The following KIF26B variants were observed in gnomAD, a reference collection of about 807,000 sequenced individuals.
KIF26B encodes kinesin-like protein KIF26B.
A neutral mutation model predicts 151.2 loss-of-function variants in KIF26B; 63 were observed. The observed-to-expected ratio is 0.42, with a 90% CI of 0.34 to 0.51. The LOEUF (loss-of-function observed/expected upper bound fraction) is 0.51. Among genes scored for constraint, KIF26B ranks in the 20% least tolerant of loss-of-function variants. KIF26B has a pLI of 0.07. For synonymous variants in KIF26B, 1,357 were observed against 1,262.1 expected, an observed-to-expected ratio of 1.08 and a Z score of -1.59; for missense variants, 2,813 against 2,913.6, an observed-to-expected ratio of 0.97 and a Z score of 0.79.
At chr1:245,408,700 A>G (rs1465725073) in intron 3 of KIF26B, among the ~76,000 whole-genome samples, 4 of 151,852 alleles carry the variant, frequency 2.6e-5, no homozygotes, top group Admixed American at 2.0e-4. Context: ...CTGTTAGCAC[A>G]TTTTCTGAAG....
At chr1:245,646,008 C>A in intron 9 of KIF26B, 113 bp from the exon 10 acceptor site, 1 of 1,156,984 alleles carries the variant, frequency 8.6e-7, no homozygotes, top group Non-Finnish European at 1.2e-6. Context: ...TGAACGTCAA[C>A]CTTTTACTTC....
At chr1:245,671,419 C>A (rs1013410217) in intron 10 of KIF26B, among the ~76,000 whole-genome samples, 2 of 152,126 alleles carry the variant, frequency 1.3e-5, no homozygotes, top group African/African-American at 4.8e-5. Context: ...ATACAAGGTA[C>A]CTGGCACAGG....
intron 2 of KIF26B, among the ~76,000 whole-genome samples, chr1:245,212,882 T>TATA (rs1475464321): frequency 6.6e-6 from 1 of 152,246 alleles, no homozygotes; most frequent in Non-Finnish European, 1.5e-5. Context: ...TTTTCATGAC[T>TATA]ATAATTACAA....
rs183611869 is a variant in KIF26B, at chr1:245,369,255, G to A, written c.999+1888G>A. 4.8e-3 allele frequency among the ~76,000 whole-genome samples: 736 copies of A among 152,240 alleles called. 4 individuals are homozygous for A. The highest frequency in any genetic ancestry group is 8.1e-3 in the Non-Finnish European group (553 of 68,018). ...ATCTCACCTTCCCACTGGTGAAGCT[G>A]GGGAAGCCAATCTACCCGTGAGCCC... On this transcript the variant is annotated intron_variant, in intron 3 of 14. Coordinates refer to ENST00000407071, the MANE Select transcript of KIF26B (RefSeq NM_018012.4).
intron 4 of KIF26B, among the ~76,000 whole-genome samples, chr1:245,513,245 C>T (rs1369865512): frequency 6.7e-6 from 1 of 149,044 alleles, no homozygotes; most frequent in Non-Finnish European, 1.5e-5. Flanking sequence ...TAGAATCTCA[C>T]GTGTTTTCGT....
At chr1:245,582,465 T>C (rs778636368) in intron 5 of KIF26B, among the ~76,000 whole-genome samples, 1 of 152,236 alleles carries the variant, frequency 6.6e-6, no homozygotes, top group Non-Finnish European at 1.5e-5. Context: ...CTGTGCTTTT[T>C]TTTTTAAGTG....
intron 4 of KIF26B, among the ~76,000 whole-genome samples, chr1:245,470,796 G>A (rs1404733315): frequency 1.3e-5 from 2 of 151,996 alleles, no homozygotes; most frequent in Admixed American, 6.6e-5. Context: ...GCTAGGCTTC[G>A]GAATTCCCTG....
Position 245,709,053 on chromosome 1 carries a change from G to A in KIF26B, c.*6447G>A, listed in dbSNP as rs2044875218. 6.6e-6 allele frequency: 1 copy of A among 152,224 alleles called. No homozygotes were observed. The highest frequency in any genetic ancestry group is 2.4e-5 in the African/African-American group (1 of 41,446). The allele number at this position is 152,224 out of a possible 1,614,324, so 9.4% of individuals were successfully genotyped here. On this transcript the variant is annotated 3_prime_UTR_variant, in exon 15 of 15. Coordinates refer to ENST00000407071, the MANE Select transcript of KIF26B (RefSeq NM_018012.4). ...CATTATTAGTTCACAAGTGTTTGCT[G>A]TTAAAATGCTTCAATAAAACTCATT...
rs1325885785 is a variant in KIF26B at position 245,529,115 on chromosome 1, G to T, written c.1167-11652G>T. Among the ~76,000 whole-genome samples the T allele has an allele frequency of 2.6e-5, 4 of 152,146 alleles. No individual in the cohort carries two copies. The East Asian group carries it at 7.7e-4, about 29-fold the overall frequency. On this transcript the variant is annotated intron_variant, in intron 4 of 14. Transcript: ENST00000407071. ...AGTCATTAGTAAGGCCGCTCCATCG[G>T]AGTCCCCGTCATACAAAATATTAAA...
At chr1:245,168,247 G>GGGA (rs1301726227) in intron 2 of KIF26B, among the ~76,000 whole-genome samples, 2 of 152,144 alleles carry the variant, frequency 1.3e-5, no homozygotes, top group African/African-American at 4.8e-5. Context: ...CCATGTTTGT[G>GGGA]GGACATCTCA....
chr1:245,482,562 C>T (rs1660190799), intron 4 of KIF26B, among the ~76,000 whole-genome samples: 1 of 151,714 alleles, frequency 6.6e-6, no homozygotes, highest in Non-Finnish European at 1.5e-5. Context: ...CCGAGGGTAC[C>T]CTGCTTTGTG....
chr1:245,256,063 A>ACCCT (rs553367183), intron 2 of KIF26B, among the ~76,000 whole-genome samples: 17 of 151,966 alleles, frequency 1.1e-4, no homozygotes, highest in Non-Finnish European at 2.4e-4. Context: ...TCTGCTGCTT[A>ACCCT]CCCTCCCTCC....
chr1:245,461,421 A>G (rs974570234), intron 4 of KIF26B, among the ~76,000 whole-genome samples: 1 of 151,858 alleles, frequency 6.6e-6, no homozygotes, highest in Non-Finnish European at 1.5e-5. Flanking sequence ...AGCTAGGATT[A>G]CGATTGCACC....
intron 2 of KIF26B, among the ~76,000 whole-genome samples, chr1:245,180,175 T>C (rs997383396): frequency 3.3e-5 from 5 of 152,360 alleles, no homozygotes; most frequent in African/African-American, 1.2e-4. Flanking sequence ...TCACTGGAAC[T>C]TTCGTCTTCC....
chr1:245,649,318 T>C (rs2043988574), intron 10 of KIF26B, among the ~76,000 whole-genome samples: 1 of 152,198 alleles, frequency 6.6e-6, no homozygotes, highest in Admixed American at 6.5e-5. Flanking sequence ...TCAAACTGCC[T>C]CGCTCCTCAC....
At chr1:245,365,209 C>T (rs949169234) in intron 2 of KIF26B, among the ~76,000 whole-genome samples, 3 of 152,134 alleles carry the variant, frequency 2.0e-5, no homozygotes, top group African/African-American at 7.2e-5. Context: ...TCGAGGAGGA[C>T]GCCTCGAGAC....
intron 3 of KIF26B, among the ~76,000 whole-genome samples, chr1:245,408,773 A>T (rs1674201837): frequency 6.6e-6 from 1 of 151,968 alleles, no homozygotes; most frequent in African/African-American, 2.4e-5. Context: ...CCCAATATGA[A>T]CTCAAGAGTA....
intron 2 of KIF26B, among the ~76,000 whole-genome samples, chr1:245,201,332 G>A (rs1226825670): frequency 6.6e-6 from 1 of 152,224 alleles, no homozygotes; most frequent in Non-Finnish European, 1.5e-5. Context: ...TGATCATGGA[G>A]CAAGCACAGT....
chr1:245,495,797 C>G lies in KIF26B; in HGVS notation c.1167-44970C>G, dbSNP rs1660501886. 6.6e-6 allele frequency among the ~76,000 whole-genome samples: 1 copy of G among 151,846 alleles called. No individual in the cohort carries two copies. The highest frequency in any genetic ancestry group is 2.4e-5 in the African/African-American group (1 of 41,290). The stretch of plus-strand genomic sequence containing the variant: ...GTAGTAAAACTGTTGAAAACAAAAG[C>G]CAAGGAGAAAAATGATTAAAGCCGT... On this transcript the variant is annotated intron_variant, in intron 4 of 14. Transcript: ENST00000407071. This position sits in a 1 kb window ranked among gnomAD's most constrained non-coding sequence, Gnocchi z 4.2.
Sources: allele counts gnomAD v4.1 joint callset (sites outside exome capture counted in the v4.1 genomes callset), GRCh38; gene constraint gnomAD v4.1.1; non-coding constraint Gnocchi (gnomAD v3.1); transcripts MANE v1.5; gene names NCBI Gene and HGNC (gene_info 2026-07-23, HGNC 2026-07-21).